The following TRIOBP variants were observed in gnomAD, a reference collection of about 807,000 sequenced individuals.
TRIOBP encodes TRIO and F-actin binding protein.
A neutral mutation model predicts 238.8 loss-of-function variants in TRIOBP; 169 were observed. The ratio of observed to expected loss-of-function variants is 0.71; its 90% CI spans 0.62 to 0.80. TRIOBP has a LOEUF of 0.80. Among genes scored for constraint, TRIOBP ranks in the 30% least tolerant of loss-of-function variants. The probability of loss-of-function intolerance (pLI) is 0.00; values close to 1 mark genes in which losing one functional copy is unlikely to be tolerated. For synonymous variants in TRIOBP, 1,150 were observed against 1,274.4 expected, an observed-to-expected ratio of 0.90 and a Z score of 2.08; for missense variants, 2,838 against 3,122.6, an observed-to-expected ratio of 0.91 and a Z score of 2.17.
At position 37,755,532 on chromosome 22, in the gene TRIOBP, C is replaced by T. The variant is rs530890965; in HGVS notation, c.5578-18C>T. On this transcript the variant is annotated intron_variant, in intron 14 of 23. Coordinates refer to ENST00000644935, the MANE Select transcript of TRIOBP (RefSeq NM_001039141.3). ...GCGGCTGGCCATGTGGCAACCTACCCATGCGGTGGCCTTGCAGACCAAGGA... is the reference window on the plus strand; with the variant it reads ...GCGGCTGGCCATGTGGCAACCTACCTATGCGGTGGCCTTGCAGACCAAGGA... 3.1e-6 allele frequency: 5 copies of T among 1,609,854 alleles called. No homozygotes were observed. The highest frequency in any genetic ancestry group is 1.3e-5 in the African/African-American group (1 of 74,974).
chr22:37,760,317 A>C (rs994452162), intron 17 of TRIOBP: 3 of 152,262 alleles, frequency 2.0e-5, no homozygotes, highest in African/African-American at 7.2e-5. Context: ...AATCAACAAA[A>C]CAATAAATCA....
intron 11 of TRIOBP, chr22:37,750,708 A>G: frequency 2.1e-6 from 1 of 471,028 alleles, no homozygotes; most frequent in Non-Finnish European, 4.4e-6. Flanking sequence ...AAGGTTCTGG[A>G]TCTTCAGCTG....
chr22:37,700,025 C>G (rs187504583), intron 2 of TRIOBP, among the ~76,000 whole-genome samples: 1 of 151,772 alleles, frequency 6.6e-6, no homozygotes, highest in Non-Finnish European at 1.5e-5. Context: ...ACTACAGGTG[C>G]GTGCTACCAC....
intron 17 of TRIOBP, among the ~76,000 whole-genome samples, chr22:37,763,725 G>A (rs933606164): frequency 1.3e-5 from 2 of 152,254 alleles, no homozygotes; most frequent in South Asian, 4.1e-4. Flanking sequence ...GGGTCCTGTC[G>A]GTGGCTGCTG....
chr22:37,743,861 T>G (rs1375119765), intron 11 of TRIOBP, among the ~76,000 whole-genome samples: 4 of 59,286 alleles, frequency 6.7e-5, no homozygotes, highest in Non-Finnish European at 1.2e-4. Flanking sequence ...TGTGTGTGAG[T>G]GTGTGCTGGG....
At chr22:37,727,398 G>T (rs1015916731) in intron 7 of TRIOBP, among the ~76,000 whole-genome samples, 11 of 152,002 alleles carry the variant, frequency 7.2e-5, no homozygotes, top group Non-Finnish European at 1.5e-4. Flanking sequence ...GCCGGGCACG[G>T]TGGCTCATGC....
chr22:37,715,990 G>A, intron 6 of TRIOBP, 56 bp downstream of exon 6: 7 of 1,600,088 alleles, frequency 4.4e-6, no homozygotes, highest in Non-Finnish European at 6.0e-6. Context: ...CCCCCAGATA[G>A]CCATCTCACT....
intron 12 of TRIOBP, among the ~76,000 whole-genome samples, chr22:37,754,180 C>G (rs1925782572): frequency 6.6e-6 from 1 of 152,148 alleles, no homozygotes; most frequent in Non-Finnish European, 1.5e-5. Context: ...GAGGCCAAGG[C>G]AGGTGAATCA....
chr22:37,767,040 C>T (rs1442296427), intron 18 of TRIOBP, among the ~76,000 whole-genome samples: 1 of 151,632 alleles, frequency 6.6e-6, no homozygotes, highest in African/African-American at 2.4e-5. Context: ...ATCACGAGGT[C>T]AGGAGTTCAA....
At chr22:37,734,346 G>T in intron 8 of TRIOBP, 53 bp from the exon 9 acceptor site, 1 of 1,532,246 alleles carries the variant, frequency 6.5e-7, no homozygotes, top group Non-Finnish European at 9.0e-7. Context: ...GGCAGAGCTG[G>T]CAGCCAGGTC....
chr22:37,741,173 G>A, intron 11 of TRIOBP, 141 bp downstream of exon 11: 1 of 1,189,868 alleles, frequency 8.4e-7, no homozygotes, highest in Non-Finnish European at 1.2e-6. Flanking sequence ...AGGAGAGGTG[G>A]GAGCAGAGCT....
chr22:37,701,812 CTGTTAAGAAGAAGA>C (rs1922662959), intron 3 of TRIOBP, among the ~76,000 whole-genome samples: 1 of 152,182 alleles, frequency 6.6e-6, no homozygotes, highest in Non-Finnish European at 1.5e-5. Context: ...GAATTACTTC[CTGTTAAGAAGAAGA>C]GGTTAAGAAG....
rs932978968 is a variant in TRIOBP at position 37,715,899 on chromosome 22, C to T, written c.593C>T (p.Pro198Leu). The T allele has an allele frequency of 1.9e-6, 3 of 1,613,318 alleles. No individual in the cohort carries two copies. In the African/African-American group the frequency reaches 4.0e-5, roughly 22 times the overall value. ...QRAPSLLTRS[P>L]VGGDAAGQKK... ...GCTCCGTCTCTCCTCACCAGGTCCC[C>T]TGTGGGAGGAGATGCTGCAGGCCAG... The change falls in exon 6 of 24, where the codon CCT becomes CTT. Residue 198 changes from proline to leucine, a missense_variant. By Grantham distance (98) the Pro-to-Leu change is moderately conservative (BLOSUM62 -3). Coordinates refer to ENST00000644935, the MANE Select transcript of TRIOBP (RefSeq NM_001039141.3).
chr22:37,749,279 CG>C (rs1270052321), intron 11 of TRIOBP, among the ~76,000 whole-genome samples: 2 of 152,048 alleles, frequency 1.3e-5, no homozygotes, highest in Non-Finnish European at 2.9e-5. Context: ...CGCTTCAACC[CG>C]GGAGGTGGAG....
At chr22:37,714,783 C>T (rs954546151) in intron 5 of TRIOBP, among the ~76,000 whole-genome samples, 26 of 152,042 alleles carry the variant, frequency 1.7e-4, no homozygotes, top group African/African-American at 5.1e-4. Flanking sequence ...CTCAAGTGAT[C>T]CCCCCACCTC....
intron 10 of TRIOBP, among the ~76,000 whole-genome samples, chr22:37,738,923 C>T (rs1470519972): frequency 1.3e-5 from 2 of 152,048 alleles, no homozygotes; most frequent in East Asian, 1.9e-4. Flanking sequence ...GGTAGGTGGG[C>T]GATCCTGGGG....
rs1009335297 is a variant in TRIOBP, at chr22:37,697,574, A to T, written c.-169-14A>T. The T allele has an allele frequency of 6.6e-6, 1 of 152,184 alleles. No homozygotes were observed. Among genetic ancestry groups the T allele is most frequent in the Non-Finnish European group, 1.5e-5 (1 of 68,092 alleles). 9.4% of individuals were successfully genotyped at this position (152,184 alleles called of 1,614,324 possible). A position where few individuals can be genotyped will look rare whatever the true frequency, so the allele number is the denominator to read the frequency against. On this transcript the variant is annotated splice_polypyrimidine_tract_variant and intron_variant, in intron 1 of 23. Coordinates refer to ENST00000644935, the MANE Select transcript of TRIOBP (RefSeq NM_001039141.3). ...CGTGCCTTGCTGTCGCCCCCACCGC[A>T]TTCCCTTCTCCAGGTCTGATGATGG...
intron 2 of TRIOBP, among the ~76,000 whole-genome samples, chr22:37,698,247 G>T (rs1194413396): frequency 6.7e-6 from 1 of 149,474 alleles, no homozygotes. Flanking sequence ...TTTCAGAAGG[G>T]TATGATGCTT....
At chr22:37,723,081 G>A in intron 6 of TRIOBP, 104 bp from the exon 7 acceptor site, 1 of 1,133,362 alleles carries the variant, frequency 8.8e-7, no homozygotes, top group Non-Finnish European at 1.3e-6. Context: ...GGAGGAGGGT[G>A]TGGGGTTTGC....
Sources: gnomAD v4.1 joint callset for allele counts (sites outside exome capture counted in the v4.1 genomes callset) on GRCh38, gnomAD v4.1.1 for gene constraint, MANE v1.5 for transcripts, NCBI Gene and HGNC (gene_info 2026-07-23, HGNC 2026-07-21) for gene names.